The following TRPM1 variants were observed in gnomAD, a reference collection of about 807,000 sequenced individuals.
TRPM1 encodes TRPM1-203 APA Isoform, Intron 10.
In TRPM1, 113 loss-of-function variants were observed where a neutral mutation model predicts 149.4. The observed-to-expected ratio is 0.76, with a 90% CI of 0.65 to 0.88. The LOEUF (loss-of-function observed/expected upper bound fraction) is 0.88, where lower values mean the gene tolerates loss of function less well. Ranked by LOEUF, TRPM1 falls within the 40% of genes least tolerant of loss-of-function variation. TRPM1 has a pLI of 0.00. For synonymous variants in TRPM1, 741 were observed against 759.5 expected (o/e 0.98, Z 0.40); for missense variants, 1,976 against 2,038.7 (o/e 0.97, Z 0.59).
chr15:31,075,499 G>A (rs2034665022), intron 3 of TRPM1, among the ~76,000 whole-genome samples: 1 of 152,138 alleles, frequency 6.6e-6, no homozygotes, highest in African/African-American at 2.4e-5. Flanking sequence ...CTCACTTTCT[G>A]TGGTTGCTGC....
At chr15:31,134,078 C>T (rs946757490) in intron 1 of TRPM1, among the ~76,000 whole-genome samples, 6 of 152,132 alleles carry the variant, frequency 3.9e-5, no homozygotes, top group East Asian at 1.9e-4. Flanking sequence ...GGATGGAAGC[C>T]GCCGGAGGCC....
chr15:31,128,116 G>A (rs972322810), intron 1 of TRPM1, among the ~76,000 whole-genome samples: 11 of 152,124 alleles, frequency 7.2e-5, no homozygotes, highest in Non-Finnish European at 1.6e-4. Context: ...TGACCAGTGC[G>A]TTAACCACAG....
chr15:31,023,189 A>G (rs1680584275), intron 27 of TRPM1, among the ~76,000 whole-genome samples: 1 of 152,220 alleles, frequency 6.6e-6, no homozygotes, highest in African/African-American at 2.4e-5. Context: ...GTTTTCCATA[A>G]GGAATTGGCA....
At chr15:31,071,147 A>C (rs757516668) in intron 3 of TRPM1, among the ~76,000 whole-genome samples, 3 of 152,116 alleles carry the variant, frequency 2.0e-5, no homozygotes, top group Admixed American at 6.6e-5. Flanking sequence ...CTGTTACTCC[A>C]TCATTTTTGG....
intron 1 of TRPM1, among the ~76,000 whole-genome samples, chr15:31,135,639 G>C (rs2036077909): frequency 6.6e-6 from 1 of 151,934 alleles, no homozygotes; most frequent in Non-Finnish European, 1.5e-5. Flanking sequence ...GGAGGTGTTT[G>C]CGTCATGGGG....
chr15:31,114,521 C>T (rs1464700642), intron 1 of TRPM1, among the ~76,000 whole-genome samples: 1 of 152,152 alleles, frequency 6.6e-6, no homozygotes, highest in Admixed American at 6.5e-5. Context: ...AAATACACAT[C>T]TAGTCAAACG....
chr15:31,019,131 G>T (rs191466957), intron 27 of TRPM1, among the ~76,000 whole-genome samples: 1 of 152,324 alleles, frequency 6.6e-6, no homozygotes, highest in Admixed American at 6.5e-5. Context: ...CCTGTTTCAA[G>T]ATCCCATGGT....
chr15:31,158,059 T>C (rs1596108550), intron 1 of TRPM1, among the ~76,000 whole-genome samples: 1 of 152,184 alleles, frequency 6.6e-6, no homozygotes, highest in East Asian at 1.9e-4. Context: ...TGTTTCCTAG[T>C]ACTTCTTTAA....
At chr15:31,104,649 A>T (rs1052535026), upstream of TRPM1, among the ~76,000 whole-genome samples, 1 of 128,450 alleles carries the variant, frequency 7.8e-6, no homozygotes, top group African/African-American at 3.1e-5. Context: ...GCTGGAGTGC[A>T]GTGGCGCCAT....
At chr15:31,025,828 A>T (rs557132122) in intron 27 of TRPM1, among the ~76,000 whole-genome samples, 1 of 152,342 alleles carries the variant, frequency 6.6e-6, no homozygotes, top group Non-Finnish European at 1.5e-5. Flanking sequence ...TGGGAGAAGG[A>T]TGGCTTTCTG....
intron 7 of TRPM1, among the ~76,000 whole-genome samples, chr15:31,064,517 T>C (rs2034316939): frequency 6.6e-6 from 1 of 152,188 alleles, no homozygotes; most frequent in Non-Finnish European, 1.5e-5. Flanking sequence ...ACTTCCTAAT[T>C]TTATGCCACA....
chr15:31,045,257 G>A (rs1375810017), intron 16 of TRPM1, among the ~76,000 whole-genome samples: 1 of 152,174 alleles, frequency 6.6e-6, no homozygotes, highest in East Asian at 1.9e-4. Context: ...TAAAAAGAAT[G>A]TTTCCAAGAG....
intron 1 of TRPM1, among the ~76,000 whole-genome samples, chr15:31,147,535 C>T (rs547685915): frequency 6.6e-6 from 1 of 152,328 alleles, no homozygotes; most frequent in Admixed American, 6.5e-5. Context: ...GAGCAGCTGT[C>T]CTGTGGCTAC....
In TRPM1 at chr15:31,036,665, T is replaced by C. The variant is rs2140921529; in HGVS notation, c.2572-991A>G. Among the ~76,000 whole-genome samples, 3 of 152,342 alleles carry C rather than the reference T, an allele frequency of 2.0e-5. No individual in the cohort carries two copies. The East Asian group carries it at 5.8e-4, about 29-fold the overall frequency. On this transcript the variant is annotated intron_variant, in intron 20 of 27. Transcript: ENST00000256552. ...CCCAAGGCTGAGAGGCCTCGATGGCTTCCTGGCCCCATCTCCGGCAGCAGC... is the reference window on the plus strand; with the variant it reads ...CCCAAGGCTGAGAGGCCTCGATGGCCTCCTGGCCCCATCTCCGGCAGCAGC...
chr15:31,045,088 C>A (rs1340045581), intron 16 of TRPM1, among the ~76,000 whole-genome samples: 1 of 152,048 alleles, frequency 6.6e-6, no homozygotes, highest in African/African-American at 2.4e-5. Context: ...ATAAATAAAC[C>A]CTGACCTGGA....
chr15:31,143,294 A>G (rs1326946538), intron 1 of TRPM1, among the ~76,000 whole-genome samples: 2 of 152,248 alleles, frequency 1.3e-5, no homozygotes, highest in Admixed American at 6.5e-5. Flanking sequence ...AATTAATTAC[A>G]TGAAGCTGAA....
chr15:31,026,121 TG>T lies in TRPM1; in HGVS notation c.3629+17del. The T allele has an allele frequency of 6.2e-7, 1 of 1,609,588 alleles. No individual in the cohort carries two copies. The highest frequency in any genetic ancestry group is 8.5e-7 in the Non-Finnish European group (1 of 1,179,964). On this transcript the variant is annotated intron_variant, in intron 27 of 27. Transcript: ENST00000256552. ...AAACCCTTGGCTCACGGGCCCGCGG[TG>T]GGGACGCTACACGTACCTTTCAGAA...
chr15:31,016,684 A>G lies in TRPM1; in HGVS notation c.3629+9455T>C, dbSNP rs151037850. 1.1e-4 allele frequency among the ~76,000 whole-genome samples: 17 copies of G among 152,338 alleles called. 1 individual carries two copies. In the East Asian group the frequency reaches 3.1e-3, roughly 28 times the overall value. ...AGGAAACTATAAACAAATGAAATCT[A>G]TAAACTGTCTGGGCCCCAATTAATC... On this transcript the variant is annotated intron_variant, in intron 27 of 27. Transcript: ENST00000256552.
chr15:31,032,936 AG>A lies in TRPM1; in HGVS notation c.2704del (p.Leu902SerfsTer32). On this transcript the variant is annotated frameshift_variant, in exon 22 of 28. Coordinates refer to ENST00000256552, the MANE Select transcript of TRPM1 (RefSeq NM_001252024.2). LOFTEE classifies it high-confidence loss of function. Reference protein sequence around the residue: ...SLALEKIREILMSEPGKLSQK... With the variant: ...SLALEKIREIXMSEPGKLSQK... ...GCTGAGTTTGCCTGGTTCTGACATG[AG>A]GATCTGAAAACAAACCCCAAAGAAC... The A allele has an allele frequency of 1.2e-6, 2 of 1,614,200 alleles. No individual in the cohort carries two copies. The highest frequency in any genetic ancestry group is 1.7e-6 in the Non-Finnish European group (2 of 1,180,028).
Sources: gnomAD v4.1 joint callset for allele counts (sites outside exome capture counted in the v4.1 genomes callset) on GRCh38, gnomAD v4.1.1 for gene constraint, MANE v1.5 for transcripts, NCBI Gene and HGNC (gene_info 2026-07-23, HGNC 2026-07-21) for gene names.